Variants in COX7B2 observed in about 807,000 individuals in gnomAD.
COX7B2 encodes cytochrome c oxidase subunit 7B2, mitochondrial.
For missense variants in COX7B2, 109 were observed against 95.9 expected (o/e 1.14, Z -0.57); for synonymous variants, 37 against 32.1 (o/e 1.15, Z -0.51).
intron 2 of COX7B2, among the ~76,000 whole-genome samples, chr4:46,838,499 A>C (rs778573972): frequency 1.3e-5 from 2 of 152,096 alleles, no homozygotes; most frequent in Non-Finnish European, 2.9e-5. Context: ...ACTTGTGCCA[A>C]AGAAAAGTAT....
At chr4:46,758,041 A>G (rs1715903409) in intron 2 of COX7B2, among the ~76,000 whole-genome samples, 2 of 151,948 alleles carry the variant, frequency 1.3e-5, no homozygotes, top group South Asian at 2.1e-4. Flanking sequence ...TCATTCTATA[A>G]GTATTCTACA....
intron 1 of COX7B2, among the ~76,000 whole-genome samples, chr4:46,892,534 C>T (rs994423843): frequency 2.6e-5 from 4 of 152,072 alleles, no homozygotes; most frequent in Non-Finnish European, 5.9e-5. Flanking sequence ...GAAGATAGAG[C>T]CTTGCACCTT....
intron 2 of COX7B2, among the ~76,000 whole-genome samples, chr4:46,758,228 A>G (rs963110803): frequency 6.6e-6 from 1 of 151,638 alleles, no homozygotes; most frequent in Non-Finnish European, 1.5e-5. Context: ...CTTTGTGTAT[A>G]GCAATTAATA....
At position 46,735,170 on chromosome 4, in the gene COX7B2, T is replaced by C; in HGVS notation, c.23A>G (p.Asn8Ser). 1 of 1,613,310 alleles carries C rather than the reference T, an allele frequency of 6.2e-7. No homozygotes were observed. Among genetic ancestry groups the C allele is most frequent in the South Asian group, 1.1e-5 (1 of 90,922 alleles). ...TTGAATCTTGAGACTGCTTAGTGCA[T>C]TTCTGGCCAAGGGAAACATCATGAA... is the stretch of plus-strand genomic sequence containing the variant. MMFPLAR[N>S]ALSSLKIQSI... Residue 8 changes from asparagine to serine, a missense_variant, in exon 3 of 3, where the codon AAT (asparagine) becomes AGT (serine). Asn to Ser is a conservative substitution (Grantham distance 46). Coordinates refer to ENST00000355591, the MANE Select transcript of COX7B2 (RefSeq NM_130902.3).
At chr4:46,825,224 C>T (rs1295816373) in intron 2 of COX7B2, among the ~76,000 whole-genome samples, 1 of 151,896 alleles carries the variant, frequency 6.6e-6, no homozygotes, top group African/African-American at 2.4e-5. Flanking sequence ...ATTAGCATTC[C>T]TATACACCAA....
intron 1 of COX7B2, among the ~76,000 whole-genome samples, chr4:46,907,099 C>A (rs1227366982): frequency 2.0e-5 from 3 of 152,172 alleles, no homozygotes; most frequent in African/African-American, 7.2e-5. Flanking sequence ...CATTTGAGAT[C>A]TTGCCTCTTT....
intron 2 of COX7B2, among the ~76,000 whole-genome samples, chr4:46,747,652 T>G (rs549714087): frequency 6.6e-6 from 1 of 152,144 alleles, no homozygotes; most frequent in Admixed American, 6.5e-5. Context: ...GGATAAAATA[T>G]AGTTTTCAAA....
intron 2 of COX7B2, among the ~76,000 whole-genome samples, chr4:46,735,823 A>G (rs546339722): frequency 6.6e-6 from 1 of 152,264 alleles, no homozygotes; most frequent in African/African-American, 2.4e-5. Context: ...ACTTTTTTTC[A>G]TAACACTTAA....
rs575409957 is a variant in COX7B2, at chr4:46,804,625, C to T, written c.-50+40335G>A. ...GTGTCAATTGGTGCATTCACAAACC[C>T]TGAGCTAGACACAGGGTGCTGCTTG... On this transcript the variant is annotated intron_variant, in intron 2 of 2. Transcript: ENST00000355591. Among the ~76,000 whole-genome samples, 104 of 152,332 alleles carry T rather than the reference C, an allele frequency of 6.8e-4. 1 individual carries two copies. The South Asian group carries it at 0.021, about 30-fold the overall frequency.
chr4:46,860,341 G>A (rs1405250091), intron 1 of COX7B2, among the ~76,000 whole-genome samples: 1 of 152,172 alleles, frequency 6.6e-6, no homozygotes, highest in African/African-American at 2.4e-5. Flanking sequence ...CTTGTCAGGT[G>A]ACAGCAGCAG....
At chr4:46,817,252 A>G (rs1719602936) in intron 2 of COX7B2, among the ~76,000 whole-genome samples, 1 of 152,204 alleles carries the variant, frequency 6.6e-6, no homozygotes, top group Non-Finnish European at 1.5e-5. Context: ...GTTTGCCAAG[A>G]GTCAGGCCCT....
intron 2 of COX7B2, among the ~76,000 whole-genome samples, chr4:46,830,095 G>A (rs1714964168): frequency 6.6e-6 from 1 of 152,106 alleles, no homozygotes; most frequent in East Asian, 1.9e-4. Context: ...GGAGGCCAAG[G>A]CGTGCAGATC....
chr4:46,744,400 C>A (rs1714897011), intron 2 of COX7B2, among the ~76,000 whole-genome samples: 1 of 152,006 alleles, frequency 6.6e-6, no homozygotes, highest in South Asian at 2.1e-4. Context: ...ATCTCCCTCC[C>A]ATCTCCTTGG....
chr4:46,850,862 C>A (rs1716628826), intron 1 of COX7B2, among the ~76,000 whole-genome samples: 5 of 151,982 alleles, frequency 3.3e-5, no homozygotes, highest in Admixed American at 3.3e-4. Context: ...CCAGAATTGA[C>A]AAGATTACCA....
At chr4:46,902,340 G>A (rs1369192313) in intron 1 of COX7B2, among the ~76,000 whole-genome samples, 4 of 152,168 alleles carry the variant, frequency 2.6e-5, no homozygotes, top group Admixed American at 6.5e-5. Context: ...TTATAACAGT[G>A]GACCTTCCAC....
chr4:46,869,288 A>G (rs1434934747), intron 1 of COX7B2, among the ~76,000 whole-genome samples: 2 of 152,154 alleles, frequency 1.3e-5, no homozygotes, highest in Non-Finnish European at 2.9e-5. Context: ...CGGTGTCATG[A>G]TAACAGCATA....
chr4:46,746,999 A>G (rs1275710574), intron 2 of COX7B2, among the ~76,000 whole-genome samples: 1 of 152,204 alleles, frequency 6.6e-6, no homozygotes, highest in Non-Finnish European at 1.5e-5. Flanking sequence ...AATAAAAAAT[A>G]TGATCAGGCT....
chr4:46,808,979 C>A (rs542562323), intron 2 of COX7B2, among the ~76,000 whole-genome samples: 17 of 151,786 alleles, frequency 1.1e-4, no homozygotes, highest in Admixed American at 3.3e-4. Context: ...AGAAATTGGT[C>A]TGTAGTTTTC....
At chr4:46,751,537 T>C (rs1398335415) in intron 2 of COX7B2, among the ~76,000 whole-genome samples, 2 of 152,088 alleles carry the variant, frequency 1.3e-5, no homozygotes, top group African/African-American at 4.8e-5. Context: ...TGGAGATAAA[T>C]AAAACAGATG....
Sources: allele counts gnomAD v4.1 joint callset (sites outside exome capture counted in the v4.1 genomes callset), GRCh38; gene constraint gnomAD v4.1.1; transcripts MANE v1.5; gene names NCBI Gene and HGNC (gene_info 2026-07-23, HGNC 2026-07-21).